The following NFIB variants were observed in gnomAD, a reference collection of about 807,000 sequenced individuals.
The protein encoded by NFIB is nuclear factor I B, also known as nuclear factor 1 B-type.
In NFIB, 11 loss-of-function variants were observed where a neutral mutation model predicts 61.5. The observed-to-expected ratio is 0.18, with a 90% CI of 0.11 to 0.30. The LOEUF is 0.30. Among genes scored for constraint, NFIB ranks in the 10% least tolerant of loss-of-function variants. The probability of loss-of-function intolerance (pLI) is 1.00; values close to 1 mark genes in which losing one functional copy is unlikely to be tolerated. For missense variants in NFIB, 471 were observed against 608.9 expected, an observed-to-expected ratio of 0.77 and a Z score of 2.38; for synonymous variants, 260 against 216.5, an observed-to-expected ratio of 1.20 and a Z score of -1.76.
chr9:14,397,603 GA>G (rs1240089883), intron 1 of NFIB, among the ~76,000 whole-genome samples: 1 of 152,076 alleles, frequency 6.6e-6, no homozygotes, highest in Admixed American at 6.5e-5. Flanking sequence ...GTCATTTTAA[GA>G]AAACCATCAC....
intron 2 of NFIB, among the ~76,000 whole-genome samples, chr9:14,241,885 C>T (rs184819814): frequency 7.4e-4 from 113 of 152,216 alleles, no homozygotes; most frequent in Non-Finnish European, 1.2e-3. Flanking sequence ...GAACAAAAAT[C>T]CCAATTTGAC....
At chr9:14,396,489 C>A (rs1030153391) in intron 1 of NFIB, among the ~76,000 whole-genome samples, 1 of 151,934 alleles carries the variant, frequency 6.6e-6, no homozygotes, top group Non-Finnish European at 1.5e-5. Flanking sequence ...AGGTGGGGAG[C>A]CTCTTTACTT....
At chr9:14,305,797 T>G in intron 2 of NFIB, 2 of 324,430 alleles carry the variant, frequency 6.2e-6, no homozygotes, top group Non-Finnish European at 5.7e-6. Flanking sequence ...AAGTCCCACA[T>G]TTATATAACA....
chr9:14,362,452 G>A (rs2061252047), intron 1 of NFIB: 1 of 152,178 alleles, frequency 6.6e-6, no homozygotes, highest in Admixed American at 6.5e-5. Context: ...ATCCCCAAAG[G>A]AACATAGATC....
At chr9:14,314,180 GGGGGC>G, upstream of NFIB, 1 of 894,436 alleles carries the variant, frequency 1.1e-6, no homozygotes, top group Non-Finnish European at 1.3e-6. Context: ...GGGCCGGGGT[GGGGGC>G]GGGGTGGGAT....
chr9:14,411,945 A>G, the NFIB span, among the ~76,000 whole-genome samples: 5 of 152,176 alleles, frequency 3.3e-5, no homozygotes, highest in African/African-American at 7.2e-5. Flanking sequence ...AGAGAGGCCT[A>G]TGTGGTAAAG....
intron 1 of NFIB, among the ~76,000 whole-genome samples, chr9:14,390,423 T>TA (rs1430534378): frequency 2.6e-5 from 4 of 152,000 alleles, no homozygotes; most frequent in African/African-American, 7.3e-5. Flanking sequence ...AAGGAAGGAC[T>TA]AAAAAAAATT....
intron 1 of NFIB, among the ~76,000 whole-genome samples, chr9:14,320,559 T>G (rs1295237253): frequency 3.3e-5 from 5 of 152,220 alleles, no homozygotes; most frequent in Non-Finnish European, 7.3e-5. Flanking sequence ...CACAAACTCT[T>G]TGCAGTTTTT....
At chr9:14,366,766 G>A (rs966255446) in intron 1 of NFIB, among the ~76,000 whole-genome samples, 2 of 152,132 alleles carry the variant, frequency 1.3e-5, no homozygotes, top group South Asian at 2.1e-4. Flanking sequence ...TTACAGGCAT[G>A]AGCCACCGTG....
chr9:14,150,956 A>C (rs913743502), intron 4 of NFIB, among the ~76,000 whole-genome samples: 4 of 152,084 alleles, frequency 2.6e-5, no homozygotes, highest in African/African-American at 9.7e-5. Flanking sequence ...ACATCTGTTC[A>C]CATTTTTTAA....
At chr9:14,434,999 G>T in the NFIB span, among the ~76,000 whole-genome samples, 1 of 152,208 alleles carries the variant, frequency 6.6e-6, no homozygotes, top group East Asian at 1.9e-4. Context: ...GAAGAGAAAA[G>T]TTTCACATAA....
Position 14,194,914 on chromosome 9 carries a change from A to G in NFIB, c.563-15134T>C, listed in dbSNP as rs186330286. 6.1e-4 allele frequency among the ~76,000 whole-genome samples: 93 copies of G among 152,208 alleles called. No individual in the cohort carries two copies. In the East Asian group the frequency reaches 0.017, roughly 27 times the overall value. On this transcript the variant is annotated intron_variant, in intron 2 of 10. Transcript: ENST00000380953. The stretch of plus-strand genomic sequence containing the variant: ...TAACGTATTAGGAAATTATTTTTTA[A>G]TATTGGAGGTGCACTCTACCACCTC...
intron 2 of NFIB, among the ~76,000 whole-genome samples, chr9:14,226,027 T>C (rs193187174): frequency 1.2e-3 from 176 of 152,330 alleles, no homozygotes; most frequent in South Asian, 3.9e-3. Flanking sequence ...TTCCCTGTCA[T>C]TGTTAAATAC....
At chr9:14,457,149 G>A in the NFIB span, among the ~76,000 whole-genome samples, 1 of 152,146 alleles carries the variant, frequency 6.6e-6, no homozygotes, top group Non-Finnish European at 1.5e-5. Context: ...GAACATACAC[G>A]TAAGTACAGC....
intron 1 of NFIB, among the ~76,000 whole-genome samples, chr9:14,339,808 A>G (rs1258839003): frequency 6.6e-6 from 1 of 152,188 alleles, no homozygotes; most frequent in African/African-American, 2.4e-5. Flanking sequence ...GGAGCCCAGG[A>G]TTATTTAAAA....
At chr9:14,162,938 G>GTA (rs1563851373) in intron 3 of NFIB, among the ~76,000 whole-genome samples, 1 of 151,928 alleles carries the variant, frequency 6.6e-6, no homozygotes, top group African/African-American at 2.4e-5. Flanking sequence ...GATGTGGAAG[G>GTA]TATGCCTCTC....
chr9:14,508,647 G>C, the NFIB span, among the ~76,000 whole-genome samples: 1 of 152,234 alleles, frequency 6.6e-6, no homozygotes, highest in African/African-American at 2.4e-5. Context: ...AAGCTTGGAA[G>C]CAAGCCCGAA....
At chr9:14,435,285 A>G in the NFIB span, among the ~76,000 whole-genome samples, 1 of 152,232 alleles carries the variant, frequency 6.6e-6, no homozygotes, top group East Asian at 1.9e-4. Context: ...CTAAAATATA[A>G]TCATTCATGT....
intron 2 of NFIB, among the ~76,000 whole-genome samples, chr9:14,240,555 G>A (rs2054248536): frequency 6.6e-6 from 1 of 152,176 alleles, no homozygotes; most frequent in South Asian, 2.1e-4. Context: ...AGCTTCACTT[G>A]TTTATAGAGG....
Sources: allele counts gnomAD v4.1 joint callset (sites outside exome capture counted in the v4.1 genomes callset), GRCh38; gene constraint gnomAD v4.1.1; transcripts MANE v1.5; gene names NCBI Gene and HGNC (gene_info 2026-07-23, HGNC 2026-07-21).